The following INIP variants were observed in gnomAD, a reference collection of about 807,000 sequenced individuals.
INIP encodes the protein SOSS complex subunit C.
Under a neutral mutation model 14.0 loss-of-function variants are expected in INIP, and 9 were observed. The observed-to-expected ratio is 0.64, with a 90% CI of 0.39 to 1.12. INIP has a LOEUF of 1.12. INIP is among the 50% of genes most tolerant of loss of function. The probability of loss-of-function intolerance (pLI) is 0.01; values close to 1 mark genes in which losing one functional copy is unlikely to be tolerated. For synonymous variants in INIP, 37 were observed against 41.5 expected (o/e 0.89, Z 0.41); for missense variants, 78 against 122.7 (o/e 0.64, Z 1.72).
intron 2 of INIP, among the ~76,000 whole-genome samples, chr9:112,711,177 A>G (rs1200641743): frequency 6.6e-6 from 1 of 152,152 alleles, no homozygotes; most frequent in Non-Finnish European, 1.5e-5. Context: ...CTCTTAAAAA[A>G]AAATTAAATT....
chr9:112,705,142 A>G (rs1838419397), intron 2 of INIP, among the ~76,000 whole-genome samples: 2 of 150,784 alleles, frequency 1.3e-5, no homozygotes, highest in Non-Finnish European at 3.0e-5. Flanking sequence ...AAAGTATAGA[A>G]TGAATAAATT....
chr9:112,714,379 C>G (rs1247807392), intron 2 of INIP, among the ~76,000 whole-genome samples: 2 of 152,158 alleles, frequency 1.3e-5, no homozygotes, highest in East Asian at 3.8e-4. Context: ...AGGCGTCCTT[C>G]AAGTAGTTAA....
At chr9:112,688,863 A>G (rs1316320311) in intron 4 of INIP, among the ~76,000 whole-genome samples, 1 of 152,112 alleles carries the variant, frequency 6.6e-6, no homozygotes, top group African/African-American at 2.4e-5. Context: ...AGATAAATAA[A>G]ATAAAATAAA....
intron 2 of INIP, 25 bp downstream of exon 2, chr9:112,716,436 G>A: frequency 6.2e-7 from 1 of 1,606,430 alleles, no homozygotes; most frequent in African/African-American, 1.3e-5. Context: ...AATGTTCATA[G>A]TAAAGAAATT....
rs1837621071 is a variant in INIP at position 112,685,291 on chromosome 9, T to C, written c.*2247A>G. 6.6e-6 allele frequency: 1 copy of C among 151,750 alleles called. No individual in the cohort carries two copies. Among genetic ancestry groups the C allele is most frequent in the African/African-American group, 2.4e-5 (1 of 41,264 alleles). 9.4% of individuals were successfully genotyped at this position (151,750 alleles called of 1,614,324 possible). On this transcript the variant is annotated 3_prime_UTR_variant, in exon 5 of 5. Coordinates refer to ENST00000374242, the MANE Select transcript of INIP (RefSeq NM_021218.3). ...TTTTTAGTAGAGACAGGGGTCTCAC[T>C]ATGTTGCCTAGGCTGTGGCTTGCTT... is the stretch of plus-strand genomic sequence containing the variant.
At chr9:112,702,081 TACAC>T (rs543325577) in intron 2 of INIP, among the ~76,000 whole-genome samples, 1 of 150,016 alleles carries the variant, frequency 6.7e-6, no homozygotes, top group African/African-American at 2.4e-5. Flanking sequence ...TATATACACA[TACAC>T]ACACACACAC....
In INIP at chr9:112,687,326, C is replaced by T. The variant is rs1837710231; in HGVS notation, c.*212G>A. 8 of 449,824 alleles carry T rather than the reference C, an allele frequency of 1.8e-5. No homozygotes were observed. In the East Asian group the frequency reaches 2.4e-4, roughly 13 times the overall value. The allele number at this position is 449,824 out of a possible 1,614,324, so 27.9% of individuals were successfully genotyped here. A position where few individuals can be genotyped will look rare whatever the true frequency, so the allele number is the denominator to read the frequency against. On this transcript the variant is annotated 3_prime_UTR_variant, in exon 5 of 5. Transcript: ENST00000374242. ...TTACAAAAAAGTTACAGTCACGGTA[C>T]ATAATCAATTCCTTGGACGATACAG...
intron 4 of INIP, among the ~76,000 whole-genome samples, chr9:112,688,686 T>C (rs994395452): frequency 4.6e-5 from 7 of 151,832 alleles, no homozygotes; most frequent in African/African-American, 1.2e-4. Flanking sequence ...CTAGGCACAG[T>C]GGCATGTGCC....
At chr9:112,687,894 G>A (rs1006207201) in intron 4 of INIP, among the ~76,000 whole-genome samples, 1 of 152,006 alleles carries the variant, frequency 6.6e-6, no homozygotes, top group East Asian at 1.9e-4. Flanking sequence ...GACCATCCTG[G>A]CTAACGTGGT....
intron 2 of INIP, among the ~76,000 whole-genome samples, chr9:112,706,673 T>C (rs889346038): frequency 6.6e-6 from 1 of 152,240 alleles, no homozygotes; most frequent in African/African-American, 2.4e-5. Context: ...TTTTAACCCA[T>C]ATAGTCTCCT....
chr9:112,716,979 AAAAG>A (rs1419193851), intron 1 of INIP, among the ~76,000 whole-genome samples: 2 of 151,722 alleles, frequency 1.3e-5, no homozygotes, highest in Non-Finnish European at 2.9e-5. Context: ...AAAAAAAAAG[AAAAG>A]AAAGAAAGAT....
intron 2 of INIP, among the ~76,000 whole-genome samples, chr9:112,707,659 T>C (rs1428217261): frequency 6.6e-6 from 1 of 152,194 alleles, no homozygotes; most frequent in Non-Finnish European, 1.5e-5. Context: ...ATTCTTCTTA[T>C]TGTAAAAAAA....
intron 2 of INIP, among the ~76,000 whole-genome samples, chr9:112,706,999 C>A (rs1838493301): frequency 6.6e-6 from 1 of 152,060 alleles, no homozygotes. Context: ...ACAACCTCCA[C>A]CTCCCAGGTT....
At chr9:112,698,046 T>G (rs1456478027) in intron 2 of INIP, among the ~76,000 whole-genome samples, 5 of 152,086 alleles carry the variant, frequency 3.3e-5, no homozygotes, top group African/African-American at 1.2e-4. Flanking sequence ...GGCTCACGCC[T>G]GTAATCCCAG....
intron 2 of INIP, among the ~76,000 whole-genome samples, chr9:112,714,746 A>G (rs1466258122): frequency 5.3e-5 from 8 of 152,246 alleles, no homozygotes; most frequent in Admixed American, 4.6e-4. Flanking sequence ...AGGATGTTGT[A>G]TATCTGATCC....
At chr9:112,709,691 T>G (rs1461191813) in intron 2 of INIP, among the ~76,000 whole-genome samples, 1 of 152,232 alleles carries the variant, frequency 6.6e-6, no homozygotes, top group Admixed American at 6.5e-5. Flanking sequence ...GACAATTCTC[T>G]GTCAGTGAAG....
At chr9:112,692,622 C>T (rs1246830054) in intron 3 of INIP, among the ~76,000 whole-genome samples, 1 of 151,658 alleles carries the variant, frequency 6.6e-6, no homozygotes, top group Non-Finnish European at 1.5e-5. Flanking sequence ...ATGGCAGAGA[C>T]TGAATACCTA....
At chr9:112,715,641 C>G (rs1042843215) in intron 2 of INIP, among the ~76,000 whole-genome samples, 12 of 152,010 alleles carry the variant, frequency 7.9e-5, no homozygotes, top group African/African-American at 2.2e-4. Flanking sequence ...AGCGTGATGG[C>G]GTGTGCCTGT....
intron 2 of INIP, among the ~76,000 whole-genome samples, chr9:112,708,002 A>G (rs1838533230): frequency 6.6e-6 from 1 of 152,226 alleles, no homozygotes; most frequent in African/African-American, 2.4e-5. Context: ...GTTAGGTTCT[A>G]AGGATGCAAT....
Sources: gnomAD v4.1 joint callset for allele counts (sites outside exome capture counted in the v4.1 genomes callset) on GRCh38, gnomAD v4.1.1 for gene constraint, MANE v1.5 for transcripts, NCBI Gene and HGNC (gene_info 2026-07-23, HGNC 2026-07-21) for gene names.